UBE2W: variants seen among roughly 807,000 people sequenced by gnomAD.
The protein encoded by UBE2W is ubiquitin-conjugating enzyme E2 W.
UBE2W carries 18 observed loss-of-function variants against 27.2 expected under a neutral mutation model. The ratio of observed to expected loss-of-function variants is 0.66; its 90% CI spans 0.46 to 0.98. The LOEUF (loss-of-function observed/expected upper bound fraction) is 0.98, where lower values mean the gene tolerates loss of function less well. Ranked by LOEUF, UBE2W falls within the 50% of genes least tolerant of loss-of-function variation. The pLI, the probability that UBE2W is intolerant of heterozygous loss-of-function variation, is 0.00. For missense variants in UBE2W, 90 were observed against 180.2 expected, an observed-to-expected ratio of 0.50 and a Z score of 2.87; for synonymous variants, 53 against 57.2, an observed-to-expected ratio of 0.93 and a Z score of 0.33.
intron 3 of UBE2W, among the ~76,000 whole-genome samples, chr8:73,821,524 G>A (rs1160208106): frequency 3.5e-5 from 5 of 144,072 alleles, no homozygotes; most frequent in Admixed American, 7.0e-5. Flanking sequence ...GTGTGTGGTG[G>A]GGGGGTGGAG....
intron 1 of UBE2W, among the ~76,000 whole-genome samples, chr8:73,874,492 T>C (rs990204238): frequency 5.3e-5 from 8 of 152,018 alleles, no homozygotes; most frequent in African/African-American, 1.9e-4. Context: ...AAAATTCAAT[T>C]TTAGGATTCA....
At position 73,790,320 on chromosome 8, in the gene UBE2W, A is replaced by G. The variant is rs1045327585; in HGVS notation, c.*3782T>C. ...TTTAAAACAATTTAAAAAGGACTAC[A>G]AAGAGGATTGGGGCCAGTTGGTGCA... On this transcript the variant is annotated 3_prime_UTR_variant, in exon 6 of 6. Coordinates refer to ENST00000602593, the MANE Select transcript of UBE2W (RefSeq NM_018299.6). 8.1e-6 allele frequency: 8 copies of G among 985,322 alleles called. No homozygotes were observed. In the African/African-American group the frequency reaches 1.4e-4, roughly 17 times the overall value. 61.0% of individuals were successfully genotyped at this position (985,322 alleles called of 1,614,324 possible). A position where few individuals can be genotyped will look rare whatever the true frequency, so the allele number is the denominator to read the frequency against.
At chr8:73,825,397 T>C (rs762997748) in intron 2 of UBE2W, 148 bp from the exon 3 acceptor site, 82 of 561,742 alleles carry the variant, frequency 1.5e-4, no homozygotes, top group Non-Finnish European at 2.3e-4. Flanking sequence ...CCAATAACTC[T>C]CTTACTGTTA....
intron 1 of UBE2W, among the ~76,000 whole-genome samples, chr8:73,842,011 T>C (rs1810553141): frequency 6.6e-6 from 1 of 152,168 alleles, no homozygotes; most frequent in Non-Finnish European, 1.5e-5. Context: ...TAATAAAAAG[T>C]AGTCCAGGAA....
At chr8:73,783,684 A>C (rs1433787344), downstream of UBE2W, among the ~76,000 whole-genome samples, 2 of 152,190 alleles carry the variant, frequency 1.3e-5, no homozygotes, top group African/African-American at 4.8e-5. Flanking sequence ...ACTACAGCCA[A>C]GGCCAAGGTA....
intron 1 of UBE2W, among the ~76,000 whole-genome samples, chr8:73,843,090 G>A (rs890717305): frequency 3.3e-5 from 5 of 152,148 alleles, no homozygotes; most frequent in Admixed American, 6.5e-5. Context: ...ACCACATATT[G>A]TATGATATCA....
In UBE2W at chr8:73,845,808, AATG is replaced by A. The variant is rs201218959; in HGVS notation, c.16-15339_16-15337del. 6.8e-3 allele frequency among the ~76,000 whole-genome samples: 1,040 copies of A among 152,346 alleles called. 11 individuals carry two copies. Among genetic ancestry groups the A allele is most frequent in the African/African-American group, 0.024 (1,007 of 41,576 alleles). On this transcript the variant is annotated intron_variant, in intron 1 of 5. Coordinates refer to ENST00000602593, the MANE Select transcript of UBE2W (RefSeq NM_018299.6). Reference sequence around the variant, plus strand: ...ATTAGAAGGCTACCATTTTAAGAACAATGATGTCAGCACTAGAAATCAGTAAAA... The same window carrying A: ...ATTAGAAGGCTACCATTTTAAGAACAATGTCAGCACTAGAAATCAGTAAAA...
intron 1 of UBE2W, among the ~76,000 whole-genome samples, chr8:73,834,456 T>C (rs536092664): frequency 5.9e-5 from 9 of 152,314 alleles, no homozygotes; most frequent in African/African-American, 1.9e-4. Flanking sequence ...GTACAGTCAT[T>C]GTCCAAAGGC....
Position 73,807,372 on chromosome 8 carries a change from G to A in UBE2W, c.367-1646C>T, listed in dbSNP as rs1387798388. Among the ~76,000 whole-genome samples the A allele has an allele frequency of 5.3e-5, 8 of 152,302 alleles. No homozygotes were observed. In the East Asian group the frequency reaches 9.6e-4, roughly 18 times the overall value. On this transcript the variant is annotated intron_variant, in intron 4 of 5. Transcript: ENST00000602593. ...AGGAAAGTCTAACCAGAAAGCAATC[G>A]TGAGTAGGACTCTGTGATAGCAGGA...
chr8:73,793,582 T>C lies in UBE2W; in HGVS notation c.*520A>G. 3.0e-6 allele frequency: 3 copies of C among 986,044 alleles called. No individual in the cohort carries two copies. Among genetic ancestry groups the C allele is most frequent in the Non-Finnish European group, 3.6e-6 (3 of 830,066 alleles). 61.1% of individuals were successfully genotyped at this position (986,044 alleles called of 1,614,324 possible). On this transcript the variant is annotated 3_prime_UTR_variant, in exon 6 of 6. Coordinates refer to ENST00000602593, the MANE Select transcript of UBE2W (RefSeq NM_018299.6). Reference sequence around the variant, plus strand: ...CTGTTAACCTTAGGATCACAGTGCATAGAATCCAAATATAAACAGTTGGGG... The same window carrying C: ...CTGTTAACCTTAGGATCACAGTGCACAGAATCCAAATATAAACAGTTGGGG...
chr8:73,807,352 A>C (rs1808954061), intron 4 of UBE2W, among the ~76,000 whole-genome samples: 1 of 152,228 alleles, frequency 6.6e-6, no homozygotes, highest in Non-Finnish European at 1.5e-5. Flanking sequence ...ATTTAAGGAA[A>C]GTCTAACCAG....
intron 2 of UBE2W, among the ~76,000 whole-genome samples, chr8:73,825,819 C>T (rs967822595): frequency 6.6e-6 from 1 of 152,128 alleles, no homozygotes; most frequent in Non-Finnish European, 1.5e-5. Context: ...AACAAACAGA[C>T]CTCAAACTAA....
chr8:73,808,106 C>G (rs1173172327), intron 4 of UBE2W, among the ~76,000 whole-genome samples: 1 of 152,070 alleles, frequency 6.6e-6, no homozygotes, highest in African/African-American at 2.4e-5. Context: ...ACTAAAGTCC[C>G]AAACACCTAA....
At chr8:73,819,466 T>C (rs1809522287) in intron 3 of UBE2W, among the ~76,000 whole-genome samples, 1 of 152,190 alleles carries the variant, frequency 6.6e-6, no homozygotes, top group African/African-American at 2.4e-5. Context: ...CCCAATGCCT[T>C]TTAAAACTCT....
At chr8:73,822,310 G>A (rs147237406) in intron 3 of UBE2W, among the ~76,000 whole-genome samples, 8,657 of 152,044 alleles carry the variant, frequency 0.057, 813 homozygotes, top group African/African-American at 0.19. Flanking sequence ...TTCCTAGGCC[G>A]ACAAAGAATC....
At chr8:73,805,853 A>G (rs1808881233) in intron 4 of UBE2W, 127 bp from the exon 5 acceptor site, 1 of 492,222 alleles carries the variant, frequency 2.0e-6, no homozygotes, top group Non-Finnish European at 3.6e-6. Context: ...AGTATATCTA[A>G]AAGAATAAAA....
intron 1 of UBE2W, among the ~76,000 whole-genome samples, chr8:73,859,524 T>C (rs900223595): frequency 1.1e-4 from 16 of 152,188 alleles, no homozygotes; most frequent in African/African-American, 3.9e-4. Context: ...TTTTCGCTCA[T>C]GATTTTCTTA....
At chr8:73,861,291 A>G (rs1811524118) in intron 1 of UBE2W, among the ~76,000 whole-genome samples, 1 of 152,212 alleles carries the variant, frequency 6.6e-6, no homozygotes, top group African/African-American at 2.4e-5. Context: ...TTGATTCTCA[A>G]GAATTTTAGT....
chr8:73,855,143 T>C (rs971099315), intron 1 of UBE2W, among the ~76,000 whole-genome samples: 24 of 152,220 alleles, frequency 1.6e-4, no homozygotes, highest in African/African-American at 4.6e-4. Context: ...GCATTTTGTA[T>C]GGATTCCATA....
Sources: allele counts gnomAD v4.1 joint callset (sites outside exome capture counted in the v4.1 genomes callset), GRCh38; gene constraint gnomAD v4.1.1; transcripts MANE v1.5; gene names NCBI Gene and HGNC (gene_info 2026-07-23, HGNC 2026-07-21).